PRKACB: variants seen among roughly 807,000 people sequenced by gnomAD.
PRKACB encodes cAMP-dependent protein kinase catalytic subunit beta.
A neutral mutation model predicts 51.4 loss-of-function variants in PRKACB; 16 were observed. That is an observed-to-expected ratio of 0.31 (90% CI 0.21 to 0.47). The LOEUF is 0.47. Ranked by LOEUF, PRKACB falls within the 20% of genes least tolerant of loss-of-function variation. PRKACB has a pLI of 1.00. For missense variants in PRKACB, 309 were observed against 464.5 expected (o/e 0.67, Z 3.08); for synonymous variants, 147 against 154.4 (o/e 0.95, Z 0.35).
chr1:84,137,472 C>G (rs888630119), intron 1 of PRKACB, among the ~76,000 whole-genome samples: 1 of 152,072 alleles, frequency 6.6e-6, no homozygotes, highest in Admixed American at 6.5e-5. Context: ...ACAGCACTTA[C>G]AGCACAAAGA....
chr1:84,143,315 G>A (rs896172746), upstream of PRKACB, among the ~76,000 whole-genome samples: 2 of 152,072 alleles, frequency 1.3e-5, no homozygotes, highest in Non-Finnish European at 2.9e-5. Context: ...AGCCGGGCAT[G>A]GTGGTGCGCG....
chr1:84,086,088 A>G (rs1409041955), intron 1 of PRKACB: 4 of 1,358,868 alleles, frequency 2.9e-6, no homozygotes, highest in Non-Finnish European at 2.1e-6. Flanking sequence ...GTGTATATTG[A>G]TGACCACACA....
At chr1:84,138,264 A>G (rs1478598387) in intron 1 of PRKACB, among the ~76,000 whole-genome samples, 1 of 152,200 alleles carries the variant, frequency 6.6e-6, no homozygotes, top group Non-Finnish European at 1.5e-5. Context: ...AGGTATATCA[A>G]AGGGACATAG....
At position 84,173,580 on chromosome 1, in the gene PRKACB, G is replaced by A. The variant is rs898932454; in HGVS notation, c.188-5597G>A. ...TATTTGAATAGGGGTGGAAGAAGAT[G>A]GACTAATGCATTCCCCTAGATTTAC... On this transcript the variant is annotated intron_variant, in intron 1 of 9. Transcript: ENST00000370685. Among the ~76,000 whole-genome samples the A allele has an allele frequency of 3.3e-5, 5 of 151,478 alleles. No individual in the cohort carries two copies. In the South Asian group the frequency reaches 1.0e-3, roughly 31 times the overall value.
intron 4 of PRKACB, among the ~76,000 whole-genome samples, 169 bp downstream of exon 4, chr1:84,184,304 C>T (rs575440969): frequency 5.9e-5 from 9 of 151,746 alleles, no homozygotes; most frequent in South Asian, 4.2e-4. Context: ...ACTTAGGTAA[C>T]GTTTGAAAAG....
chr1:84,086,332 C>G, intron 1 of PRKACB: 1 of 754,350 alleles, frequency 1.3e-6, no homozygotes, highest in Non-Finnish European at 2.2e-6. Context: ...GGGGCCCAGG[C>G]TCCAGCCATG....
intron 5 of PRKACB, among the ~76,000 whole-genome samples, chr1:84,194,296 A>C (rs1667601632): frequency 6.6e-6 from 1 of 152,196 alleles, no homozygotes; most frequent in South Asian, 2.1e-4. Flanking sequence ...ACTCTTTAAT[A>C]CTTGACTTGG....
chr1:84,087,955 T>C (rs1648148859), intron 1 of PRKACB, among the ~76,000 whole-genome samples: 1 of 152,180 alleles, frequency 6.6e-6, no homozygotes, highest in Non-Finnish European at 1.5e-5. Context: ...GCTTATAGTC[T>C]GGTAAAAGAT....
At chr1:84,106,528 T>G (rs1254950882) in intron 1 of PRKACB, among the ~76,000 whole-genome samples, 2 of 152,024 alleles carry the variant, frequency 1.3e-5, no homozygotes, top group Non-Finnish European at 2.9e-5. Context: ...AAGGTTAAAA[T>G]AGCTAGGAAT....
intron 8 of PRKACB, among the ~76,000 whole-genome samples, chr1:84,207,238 A>G (rs1010556083): frequency 2.6e-5 from 4 of 152,136 alleles, no homozygotes; most frequent in African/African-American, 9.7e-5. Flanking sequence ...GGGAGGGAGA[A>G]TGGGGTGGAT....
intron 1 of PRKACB, among the ~76,000 whole-genome samples, chr1:84,109,754 T>C (rs1383482802): frequency 6.6e-6 from 1 of 151,890 alleles, no homozygotes; most frequent in Admixed American, 6.6e-5. Flanking sequence ...AGTTGAGCAT[T>C]ATGTTTATTG....
intron 1 of PRKACB, among the ~76,000 whole-genome samples, chr1:84,137,686 G>A (rs1368903711): frequency 6.6e-6 from 1 of 152,184 alleles, no homozygotes. Flanking sequence ...AAAGAGTACT[G>A]TAGTCTAGTT....
At chr1:84,235,036 C>G (rs1676511616) in intron 9 of PRKACB, 144 bp from the exon 10 acceptor site, 2 of 828,674 alleles carry the variant, frequency 2.4e-6, no homozygotes, top group African/African-American at 3.5e-5. Context: ...GCTGCTTCTT[C>G]TAGCACTATT....
intron 9 of PRKACB, among the ~76,000 whole-genome samples, chr1:84,218,364 C>T (rs2101607397): frequency 6.6e-6 from 1 of 152,284 alleles, no homozygotes; most frequent in Non-Finnish European, 1.5e-5. Context: ...TACGTTACCT[C>T]TAAGAGATCA....
chr1:84,204,773 A>C, intron 8 of PRKACB: 1 of 898,482 alleles, frequency 1.1e-6, no homozygotes, highest in Non-Finnish European at 1.4e-6. Context: ...TAAGAAATCC[A>C]ATTTTCTAAC....
intron 9 of PRKACB, among the ~76,000 whole-genome samples, chr1:84,231,582 A>T (rs1247108298): frequency 6.6e-6 from 1 of 152,238 alleles, no homozygotes; most frequent in East Asian, 1.9e-4. Flanking sequence ...GCTATTGATT[A>T]TTGCCACAAT....
rs1482113375 is a variant in PRKACB, at chr1:84,237,949, G to A, written c.*2644G>A. Reference sequence around the variant, plus strand: ...TCCTAACTTTCACAGTCGATGACAAGATTGTCTTTTTATCTGATATTTTGA... The same window carrying A: ...TCCTAACTTTCACAGTCGATGACAAAATTGTCTTTTTATCTGATATTTTGA... On this transcript the variant is annotated 3_prime_UTR_variant, in exon 10 of 10. Transcript: ENST00000370685. The A allele has an allele frequency of 1.3e-5, 2 of 152,130 alleles. No individual in the cohort carries two copies. Among genetic ancestry groups the A allele is most frequent in the African/African-American group, 4.8e-5 (2 of 41,442 alleles). The allele number at this position is 152,130 out of a possible 1,614,324, so 9.4% of individuals were successfully genotyped here.
At chr1:84,225,629 T>A (rs573804031) in intron 9 of PRKACB, among the ~76,000 whole-genome samples, 1 of 152,206 alleles carries the variant, frequency 6.6e-6, no homozygotes, top group Non-Finnish European at 1.5e-5. Flanking sequence ...GGGGTGGGTG[T>A]GGGACCTGGA....
intron 1 of PRKACB, among the ~76,000 whole-genome samples, chr1:84,111,752 A>T (rs1476754925): frequency 6.6e-6 from 1 of 152,146 alleles, no homozygotes; most frequent in African/African-American, 2.4e-5. Context: ...TCCATGCCAT[A>T]GAAGACAAAG....
Sources: gnomAD v4.1 joint callset for allele counts (sites outside exome capture counted in the v4.1 genomes callset) on GRCh38, gnomAD v4.1.1 for gene constraint, MANE v1.5 for transcripts, NCBI Gene and HGNC (gene_info 2026-07-23, HGNC 2026-07-21) for gene names.